Variants in TTLL9 observed in about 807,000 individuals in gnomAD.
TTLL9 encodes tubulin tyrosine ligase like 9, also known as probable tubulin polyglutamylase TTLL9.
A neutral mutation model predicts 65.6 loss-of-function variants in TTLL9; 47 were observed. The ratio of observed to expected loss-of-function variants is 0.72; its 90% CI spans 0.57 to 0.91. The LOEUF is 0.91. Among genes scored for constraint, TTLL9 ranks in the 40% least tolerant of loss-of-function variants. The pLI is 0.00. For missense variants in TTLL9, 537 were observed against 568.8 expected (o/e 0.94, Z 0.57); for synonymous variants, 179 against 204.8 (o/e 0.87, Z 1.07).
rs2063139515 is a variant in TTLL9 at position 31,882,963 on chromosome 20, T to C, written c.70-4233T>C. The stretch of plus-strand genomic sequence containing the variant: ...AGAATTGTCACTAACTGATTCTTCA[T>C]TCGTCATTTCCCTTGGGGAAGACAT... On this transcript the variant is annotated intron_variant, in intron 2 of 14. Coordinates refer to ENST00000535842, the MANE Select transcript of TTLL9 (RefSeq NM_001008409.5). Among the ~76,000 whole-genome samples the C allele has an allele frequency of 2.6e-5, 4 of 152,222 alleles. No homozygotes were observed. In the South Asian group the frequency reaches 8.3e-4, roughly 32 times the overall value.
intron 4 of TTLL9, among the ~76,000 whole-genome samples, chr20:31,904,658 T>G (rs1299096947): frequency 6.6e-6 from 1 of 152,114 alleles, no homozygotes; most frequent in Non-Finnish European, 1.5e-5. Flanking sequence ...GTGCCTGGCC[T>G]TTTTTAAGGA....
intron 2 of TTLL9, among the ~76,000 whole-genome samples, chr20:31,873,687 A>AG (rs1491156910): frequency 5.8e-3 from 168 of 28,860 alleles, no homozygotes; most frequent in African/African-American, 0.022. Context: ...AGAGAGAGAG[A>AG]AAGAAAGAAA....
chr20:31,875,732 A>T (rs771481306), intron 2 of TTLL9, among the ~76,000 whole-genome samples: 8 of 152,204 alleles, frequency 5.3e-5, no homozygotes, highest in Non-Finnish European at 1.2e-4. Flanking sequence ...AAAATCTTAA[A>T]TCCAGGTAAG....
chr20:31,913,318 A>C (rs753799366), intron 6 of TTLL9, among the ~76,000 whole-genome samples: 5 of 152,202 alleles, frequency 3.3e-5, no homozygotes, highest in African/African-American at 1.2e-4. Flanking sequence ...TCTGAGTACC[A>C]CAGTTTCTGA....
chr20:31,943,053 C>T lies in TTLL9; in HGVS notation c.*32C>T. The T allele has an allele frequency of 6.2e-7, 1 of 1,604,432 alleles. No homozygotes were observed. The highest frequency in any genetic ancestry group is 8.5e-7 in the Non-Finnish European group (1 of 1,172,202). On this transcript the variant is annotated 3_prime_UTR_variant, in exon 15 of 15. Coordinates refer to ENST00000535842, the MANE Select transcript of TTLL9 (RefSeq NM_001008409.5). ...GCTGCCAGGAGGAAATCAGCCTTAG[C>T]AGGTGCCACCCAGGCCTCCCCCCCA...
intron 3 of TTLL9, 142 bp from the exon 4 acceptor site, chr20:31,898,331 A>C (rs2063416348): frequency 4.7e-6 from 3 of 633,348 alleles, no homozygotes; most frequent in Non-Finnish European, 8.5e-6. Context: ...AAGTGTTATC[A>C]TGCTCTAATG....
At chr20:31,877,133 G>GT (rs1399657643) in intron 2 of TTLL9, among the ~76,000 whole-genome samples, 5 of 152,096 alleles carry the variant, frequency 3.3e-5, no homozygotes, top group Admixed American at 3.3e-4. Context: ...TATATATGTT[G>GT]TAAGTGTTTC....
chr20:31,888,203 A>T (rs1436686326), intron 3 of TTLL9, among the ~76,000 whole-genome samples: 1 of 152,058 alleles, frequency 6.6e-6, no homozygotes, highest in Non-Finnish European at 1.5e-5. Context: ...TGTTATTTCT[A>T]AAGTCCCTCC....
chr20:31,885,970 A>T (rs1297413644), intron 2 of TTLL9, among the ~76,000 whole-genome samples: 10 of 152,340 alleles, frequency 6.6e-5, no homozygotes, highest in African/African-American at 2.4e-4. Flanking sequence ...AGCCTCTAGG[A>T]GCTGAGAGCA....
At chr20:31,942,754 G>A (rs766115539) in intron 14 of TTLL9, among the ~76,000 whole-genome samples, 191 bp from the exon 15 acceptor site, 7 of 152,192 alleles carry the variant, frequency 4.6e-5, no homozygotes, top group Non-Finnish European at 7.3e-5. Flanking sequence ...TGAGAAGACC[G>A]ATGCTGAAAA....
intron 4 of TTLL9, among the ~76,000 whole-genome samples, chr20:31,899,950 C>G (rs6061024): frequency 6.6e-6 from 1 of 151,966 alleles, no homozygotes; most frequent in Admixed American, 6.6e-5. Flanking sequence ...TTAGTAGAGA[C>G]GAGATTTCAC....
rs2123415164 is a variant in TTLL9, at chr20:31,887,353, T to C, written c.113+114T>C. 2.5e-6 allele frequency: 3 copies of C among 1,201,668 alleles called. No individual in the cohort carries two copies. The East Asian group carries it at 7.3e-5, about 29-fold the overall frequency. 74.4% of individuals were successfully genotyped at this position (1,201,668 alleles called of 1,614,324 possible). On this transcript the variant is annotated intron_variant, in intron 3 of 14. Coordinates refer to ENST00000535842, the MANE Select transcript of TTLL9 (RefSeq NM_001008409.5). The stretch of plus-strand genomic sequence containing the variant: ...TCAACAATTATAATGAAAATGATAG[T>C]AGAAGGAGTAATGCTAAACCATTAT...
At chr20:31,936,458 G>A (rs954527593) in intron 12 of TTLL9, among the ~76,000 whole-genome samples, 1 of 151,484 alleles carries the variant, frequency 6.6e-6, no homozygotes, top group East Asian at 1.9e-4. Context: ...TGACAGAACT[G>A]GATTCTGACT....
rs200968357 is a variant in TTLL9, at chr20:31,919,886, G to A, written c.527G>A (p.Gly176Asp). Reference sequence around the variant, plus strand: ...CAGGTAGCCCGGTCTCAAGGGAAAGGCATCTTCCTCTTCCGTAGGCTGAAG... The same window carrying A: ...CAGGTAGCCCGGTCTCAAGGGAAAGACATCTTCCTCTTCCGTAGGCTGAAG... ...MKPVARSQGK[G>D]IFLFRRLKDI... Residue 176 changes from glycine to aspartate, a missense_variant, in exon 7 of 15, where the codon GGC (glycine) becomes GAC (aspartate). Coordinates refer to ENST00000535842, the MANE Select transcript of TTLL9 (RefSeq NM_001008409.5). 3.6e-5 allele frequency: 58 copies of A among 1,593,148 alleles called. 1 individual carries two copies. In the East Asian group the frequency reaches 1.3e-3, roughly 36 times the overall value.
intron 10 of TTLL9, among the ~76,000 whole-genome samples, chr20:31,929,048 T>G (rs978578938): frequency 1.2e-4 from 18 of 152,204 alleles, no homozygotes; most frequent in African/African-American, 4.3e-4. Context: ...GCTAACTTGT[T>G]TTTTGTAGCA....
chr20:31,892,377 C>T (rs1389808030), intron 3 of TTLL9, among the ~76,000 whole-genome samples: 1 of 152,012 alleles, frequency 6.6e-6, no homozygotes. Flanking sequence ...ACCATGTTGG[C>T]CAGGCTGGTC....
At chr20:31,879,644 G>A in intron 2 of TTLL9, 1 of 583,078 alleles carries the variant, frequency 1.7e-6, no homozygotes, top group East Asian at 2.9e-5. Context: ...CCAGGGTCGC[G>A]GAGAGGCGAG....
chr20:31,901,808 C>T (rs1274561637), intron 4 of TTLL9, among the ~76,000 whole-genome samples: 1 of 152,206 alleles, frequency 6.6e-6, no homozygotes, highest in Admixed American at 6.5e-5. Context: ...CCTCAACTAC[C>T]CCGCCTCATG....
chr20:31,921,032 G>A (rs553767574), intron 7 of TTLL9, among the ~76,000 whole-genome samples: 1 of 152,298 alleles, frequency 6.6e-6, no homozygotes, highest in South Asian at 2.1e-4. Flanking sequence ...GCCCATGGGT[G>A]GTGTAGGCAG....
Sources: gnomAD v4.1 joint callset for allele counts (sites outside exome capture counted in the v4.1 genomes callset) on GRCh38, gnomAD v4.1.1 for gene constraint, MANE v1.5 for transcripts, NCBI Gene and HGNC (gene_info 2026-07-23, HGNC 2026-07-21) for gene names.